Variants in CDH20 observed in about 807,000 individuals in gnomAD.
CDH20 encodes cadherin-20.
Under a neutral mutation model 74.2 loss-of-function variants are expected in CDH20, and 29 were observed. That is an observed-to-expected ratio of 0.39 (90% confidence interval 0.29 to 0.53). The LOEUF is 0.53. Among genes scored for constraint, CDH20 ranks in the 20% least tolerant of loss-of-function variants. CDH20 has a pLI of 0.69. For synonymous variants in CDH20, 469 were observed against 405.4 expected, an observed-to-expected ratio of 1.16 and a Z score of -1.88; for missense variants, 988 against 1,048.3, an observed-to-expected ratio of 0.94 and a Z score of 0.79.
chr18:61,391,395 G>C (rs764891689), intron 1 of CDH20, among the ~76,000 whole-genome samples: 2 of 152,076 alleles, frequency 1.3e-5, no homozygotes, highest in Admixed American at 6.6e-5. Flanking sequence ...CCGAGAGTTG[G>C]TTTGGCAACT....
rs1213460924 is a variant in CDH20 at position 61,529,714 on chromosome 18, A to T, written c.1271+1494A>T. Among the ~76,000 whole-genome samples, 5 of 152,204 alleles carry T rather than the reference A, an allele frequency of 3.3e-5. No individual in the cohort carries two copies. In the East Asian group the frequency reaches 9.6e-4, roughly 29 times the overall value. On this transcript the variant is annotated intron_variant, in intron 7 of 11. Transcript: ENST00000262717. ...TATATGTATTAATCCACCATAGGCT[A>T]ATTAATCTATTCCTGTAACAAAAGA...
At chr18:61,429,289 A>T in intron 1 of CDH20, among the ~76,000 whole-genome samples, 1 of 152,264 alleles carries the variant, frequency 6.6e-6, no homozygotes, top group South Asian at 2.1e-4. Context: ...GACACAGACC[A>T]TTGTACTGAG....
At chr18:61,335,691 G>A (rs943814035) in intron 1 of CDH20, among the ~76,000 whole-genome samples, 5 of 152,190 alleles carry the variant, frequency 3.3e-5, no homozygotes, top group African/African-American at 1.2e-4. Context: ...CAGTTGTCGT[G>A]AGATGATCTA....
intron 1 of CDH20, among the ~76,000 whole-genome samples, chr18:61,371,812 GAA>G (rs10598145): frequency 0.71 from 107,318 of 151,796 alleles, 38,195 homozygotes; most frequent in East Asian, 0.98. Context: ...TACGGTATAG[GAA>G]AATACATGCC....
At chr18:61,524,108 T>A (rs938264387) in intron 6 of CDH20, among the ~76,000 whole-genome samples, 1 of 151,736 alleles carries the variant, frequency 6.6e-6, no homozygotes, top group Non-Finnish European at 1.5e-5. Context: ...AAAAGACAAA[T>A]CACAGACTAG....
intron 2 of CDH20, among the ~76,000 whole-genome samples, chr18:61,497,831 C>A (rs892982019): frequency 7.2e-5 from 11 of 152,164 alleles, no homozygotes; most frequent in Non-Finnish European, 1.6e-4. Context: ...CAAGCCTAAT[C>A]CTGGCTGTTT....
chr18:61,416,552 T>A (rs1225992064), intron 1 of CDH20, among the ~76,000 whole-genome samples: 1 of 152,212 alleles, frequency 6.6e-6, no homozygotes, highest in African/African-American at 2.4e-5. Flanking sequence ...CCAATTTAGC[T>A]GTTGTTGCTC....
At position 61,545,081 on chromosome 18, in the gene CDH20, T is replaced by C; in HGVS notation, c.1585T>C (p.Phe529Leu). 1 of 1,614,100 alleles carries C rather than the reference T, an allele frequency of 6.2e-7. No individual in the cohort carries two copies. The highest frequency in any genetic ancestry group is 1.1e-5 in the South Asian group (1 of 91,086). Residue 529 changes from phenylalanine to leucine, a missense_variant, in exon 10 of 12, where the codon TTC (phenylalanine) becomes CTC (leucine). Transcript: ENST00000262717. ...DQDDPRNGQH[F>L]YYSLAPEAAN... ...AGATGACCCACGCAATGGTCAGCAT[T>C]TCTACTACAGCTTGGCTCCTGAGGC...
chr18:61,395,999 A>AATCT (rs1021121903), intron 1 of CDH20, among the ~76,000 whole-genome samples: 5 of 151,608 alleles, frequency 3.3e-5, no homozygotes, highest in African/African-American at 1.2e-4. Context: ...ATTGTTCCCC[A>AATCT]ATCTCTCTCC....
rs189914720 is a variant in CDH20 at position 61,371,917 on chromosome 18, C to T, written c.-153+38090C>T. Among the ~76,000 whole-genome samples, 389 of 152,120 alleles carry T rather than the reference C, an allele frequency of 2.6e-3. 2 individuals are homozygous for T. The highest frequency in any genetic ancestry group is 3.7e-3 in the Non-Finnish European group (254 of 67,944). The stretch of plus-strand genomic sequence containing the variant: ...TGATTACTCAGAAATGTACTAACTT[C>T]GAAAACAATATTTTAAATGCAGTCA... On this transcript the variant is annotated intron_variant, in intron 1 of 11. Coordinates refer to ENST00000262717, the MANE Select transcript of CDH20 (RefSeq NM_031891.4).
At chr18:61,458,289 T>C (rs1387567657) in intron 1 of CDH20, among the ~76,000 whole-genome samples, 2 of 152,204 alleles carry the variant, frequency 1.3e-5, no homozygotes, top group Non-Finnish European at 2.9e-5. Context: ...AGTGGAACAT[T>C]CTAAAAATCC....
At chr18:61,489,191 G>A (rs653743) in intron 1 of CDH20, among the ~76,000 whole-genome samples, 151,161 of 152,364 alleles carry the variant, frequency 0.99, 75,000 homozygotes, top group Middle Eastern at 1. Flanking sequence ...TAATTATAAA[G>A]TAGTTTAAAA....
intron 1 of CDH20, among the ~76,000 whole-genome samples, chr18:61,368,849 T>A (rs1024884047): frequency 7.2e-6 from 1 of 138,614 alleles, no homozygotes; most frequent in Non-Finnish European, 1.5e-5. Flanking sequence ...AAATAGAAAC[T>A]AGTTCTTTTT....
intron 1 of CDH20, among the ~76,000 whole-genome samples, chr18:61,474,651 A>T (rs1319727925): frequency 6.6e-6 from 1 of 152,008 alleles, no homozygotes; most frequent in Non-Finnish European, 1.5e-5. Flanking sequence ...AAATAATTCA[A>T]CTCCAAGTTT....
chr18:61,336,002 T>C (rs975534615), intron 1 of CDH20, among the ~76,000 whole-genome samples: 1 of 152,206 alleles, frequency 6.6e-6, no homozygotes, highest in African/African-American at 2.4e-5. Context: ...CTTTCTGCCC[T>C]GTAAAATTTT....
intron 1 of CDH20, among the ~76,000 whole-genome samples, chr18:61,361,237 A>C (rs1168870830): frequency 1.3e-5 from 2 of 152,210 alleles, no homozygotes; most frequent in Admixed American, 6.5e-5. Context: ...GGAGGTAAAC[A>C]GATGAACTCA....
chr18:61,528,078 C>A lies in CDH20; in HGVS notation c.1129C>A (p.His377Asn). The change falls in exon 7 of 12, where the codon CAC becomes AAC. Residue 377 changes from histidine to asparagine, a missense_variant. Coordinates refer to ENST00000262717, the MANE Select transcript of CDH20 (RefSeq NM_031891.4). ...CCCATTTCAGGACACAACAACAGTG[C>A]ACATCAGTGTGGAAGACGTGGACGA... The part of the protein sequence containing the change: ...LGPFQDTTTV[H>N]ISVEDVDEPP... 6.2e-7 allele frequency: 1 copy of A among 1,614,184 alleles called. No individual in the cohort carries two copies. The highest frequency in any genetic ancestry group is 8.5e-7 in the Non-Finnish European group (1 of 1,180,022).
At chr18:61,525,185 C>T (rs1176472581) in intron 6 of CDH20, among the ~76,000 whole-genome samples, 1 of 152,018 alleles carries the variant, frequency 6.6e-6, no homozygotes, top group African/African-American at 2.4e-5. Context: ...AGACACATGA[C>T]TGAATACACT....
chr18:61,335,132 C>A (rs371428600), intron 1 of CDH20, among the ~76,000 whole-genome samples: 1 of 152,192 alleles, frequency 6.6e-6, no homozygotes. Flanking sequence ...TCACCTTCCT[C>A]AGCCGCCTCT....
Sources: gnomAD v4.1 joint callset for allele counts (sites outside exome capture counted in the v4.1 genomes callset) on GRCh38, gnomAD v4.1.1 for gene constraint, MANE v1.5 for transcripts, NCBI Gene and HGNC (gene_info 2026-07-23, HGNC 2026-07-21) for gene names.